The following ARHGAP26 variants were observed in gnomAD, a reference collection of about 807,000 sequenced individuals.
ARHGAP26 encodes the protein rho GTPase-activating protein 26.
A neutral mutation model predicts 104.8 loss-of-function variants in ARHGAP26; 38 were observed. That is an observed-to-expected ratio of 0.36 (90% CI 0.28 to 0.48). The LOEUF (loss-of-function observed/expected upper bound fraction) is 0.48. ARHGAP26 is among the 20% of genes least tolerant of loss of function. The pLI, the probability that ARHGAP26 is intolerant of heterozygous loss-of-function variation, is 0.99. For synonymous variants in ARHGAP26, 341 were observed against 340.0 expected (o/e 1.00, Z -0.03); for missense variants, 704 against 947.9 (o/e 0.74, Z 3.38).
At chr5:142,795,659 T>C (rs926555235) in intron 1 of ARHGAP26, among the ~76,000 whole-genome samples, 1 of 152,242 alleles carries the variant, frequency 6.6e-6, no homozygotes, top group African/African-American at 2.4e-5. Context: ...TACATTACAA[T>C]TTATCGCCTA....
intron 10 of ARHGAP26, among the ~76,000 whole-genome samples, chr5:142,928,940 CCTT>C (rs945499335): frequency 2.6e-5 from 4 of 152,096 alleles, no homozygotes; most frequent in South Asian, 2.1e-4. Flanking sequence ...ATATTATCCT[CCTT>C]CTTTTTTTAT....
chr5:142,993,008 G>A (rs901419016), intron 11 of ARHGAP26, among the ~76,000 whole-genome samples: 11 of 151,992 alleles, frequency 7.2e-5, no homozygotes, highest in African/African-American at 2.7e-4. Flanking sequence ...TTGAGATGGA[G>A]TCTCACTCTT....
intron 17 of ARHGAP26, among the ~76,000 whole-genome samples, chr5:143,095,499 A>G (rs896193383): frequency 1.3e-5 from 2 of 152,252 alleles, no homozygotes; most frequent in Admixed American, 1.3e-4. Flanking sequence ...AACTAAAACA[A>G]TTTTAAAGCT....
intron 14 of ARHGAP26, among the ~76,000 whole-genome samples, chr5:143,044,193 A>G (rs575028613): frequency 1.3e-5 from 2 of 149,304 alleles, no homozygotes; most frequent in East Asian, 3.9e-4. Context: ...GTTTACAAGG[A>G]AAAAAAAAGC....
intron 13 of ARHGAP26, 57 bp from the exon 14 acceptor site, chr5:143,041,759 G>T: frequency 1.4e-5 from 17 of 1,223,852 alleles, no homozygotes; most frequent in Non-Finnish European, 2.0e-5. Flanking sequence ...TGGCTGGATT[G>T]GCCTGACTTG....
intron 1 of ARHGAP26, among the ~76,000 whole-genome samples, chr5:142,816,618 A>G (rs1429240362): frequency 6.6e-6 from 1 of 152,260 alleles, no homozygotes; most frequent in Non-Finnish European, 1.5e-5. Context: ...TGTGTGAGCA[A>G]AGGCTTGTGA....
intron 17 of ARHGAP26, among the ~76,000 whole-genome samples, chr5:143,062,357 T>A (rs1247819300): frequency 2.6e-5 from 4 of 152,214 alleles, no homozygotes; most frequent in Non-Finnish European, 4.4e-5. Flanking sequence ...ATTTTGATCA[T>A]CTGTTATATG....
chr5:143,180,562 C>G (rs1237430344), intron 20 of ARHGAP26, among the ~76,000 whole-genome samples: 2 of 152,188 alleles, frequency 1.3e-5, no homozygotes, highest in African/African-American at 2.4e-5. Context: ...AATTGACTTA[C>G]AGTTCCGCAT....
rs1804637437 is a variant in ARHGAP26 at position 143,183,106 on chromosome 5, A to G, written c.1989-24092A>G. ...AAAAAAAAAAAGAAAAAAAAACCTCATTTCCTTTCCTAGATAAGGCCTGTA... is the reference window on the plus strand; with the variant it reads ...AAAAAAAAAAAGAAAAAAAAACCTCGTTTCCTTTCCTAGATAAGGCCTGTA... On this transcript the variant is annotated intron_variant, in intron 20 of 22. Transcript: ENST00000645722. 1.3e-5 allele frequency among the ~76,000 whole-genome samples: 2 copies of G among 149,972 alleles called. 1 individual carries two copies. The highest frequency in any genetic ancestry group is 4.2e-4 in the South Asian group (2 of 4,738).
At chr5:142,969,746 A>G (rs1433857202) in intron 11 of ARHGAP26, among the ~76,000 whole-genome samples, 1 of 152,150 alleles carries the variant, frequency 6.6e-6, no homozygotes, top group African/African-American at 2.4e-5. Context: ...TGCTTAGAGA[A>G]GTGCACATGG....
chr5:142,911,626 T>C (rs1335498502), intron 9 of ARHGAP26, among the ~76,000 whole-genome samples: 2 of 152,268 alleles, frequency 1.3e-5, no homozygotes, highest in Non-Finnish European at 2.9e-5. Flanking sequence ...TTTGCTGATA[T>C]GGTATGGTCA....
At chr5:142,958,311 T>C (rs1179161985) in intron 11 of ARHGAP26, among the ~76,000 whole-genome samples, 1 of 152,178 alleles carries the variant, frequency 6.6e-6, no homozygotes, top group Non-Finnish European at 1.5e-5. Context: ...TCTGAGGTGG[T>C]ATTGTAACCA....
At chr5:142,816,865 T>G (rs1410587898) in intron 1 of ARHGAP26, among the ~76,000 whole-genome samples, 1 of 151,778 alleles carries the variant, frequency 6.6e-6, no homozygotes, top group Non-Finnish European at 1.5e-5. Flanking sequence ...TAGTGTCCAG[T>G]GTGGTTTGCA....
chr5:143,066,154 G>A (rs1225842560), intron 17 of ARHGAP26, among the ~76,000 whole-genome samples: 1 of 152,176 alleles, frequency 6.6e-6, no homozygotes, highest in African/African-American at 2.4e-5. Context: ...AGATGCACAA[G>A]TACTTCCCAT....
rs565295313 is a variant in ARHGAP26 at position 143,225,844 on chromosome 5, CCCAG to C, written c.*3403_*3406del. 4 of 227,520 alleles carry C rather than the reference CCCAG, an allele frequency of 1.8e-5. No individual in the cohort carries two copies. The highest frequency in any genetic ancestry group is 1.7e-4 in the Admixed American group (3 of 17,588). The allele number at this position is 227,520 out of a possible 1,614,324, so 14.1% of individuals were successfully genotyped here. ...CAGATGGCTTCTCTGTTTCCCTTTG[CCCAG>C]CCAGGCTCCCCTCCTTCCTATTAGC... On this transcript the variant is annotated 3_prime_UTR_variant, in exon 23 of 23. Transcript: ENST00000645722.
chr5:143,063,955 T>A, intron 17 of ARHGAP26, among the ~76,000 whole-genome samples: 1 of 152,248 alleles, frequency 6.6e-6, no homozygotes, highest in East Asian at 1.9e-4. Flanking sequence ...ATGGGCAGTC[T>A]GTCTCCCTTG....
chr5:143,152,029 A>T (rs763374746), intron 20 of ARHGAP26, among the ~76,000 whole-genome samples: 107 of 152,186 alleles, frequency 7.0e-4, no homozygotes, highest in Non-Finnish European at 1.4e-3. Context: ...GAACATGCAA[A>T]ATTATGGAAT....
At chr5:143,135,394 T>C (rs1313227795) in intron 19 of ARHGAP26, among the ~76,000 whole-genome samples, 1 of 152,172 alleles carries the variant, frequency 6.6e-6, no homozygotes, top group African/African-American at 2.4e-5. Context: ...TCATCATCAT[T>C]ATTATAACTC....
chr5:143,006,319 T>G (rs76994992), intron 11 of ARHGAP26, among the ~76,000 whole-genome samples: 20,102 of 135,940 alleles, frequency 0.15, 3,232 homozygotes, highest in African/African-American at 0.42. Flanking sequence ...GTTTTTTCTT[T>G]TTTTTTTTTT....
Sources: gnomAD v4.1 joint callset for allele counts (sites outside exome capture counted in the v4.1 genomes callset) on GRCh38, gnomAD v4.1.1 for gene constraint, MANE v1.5 for transcripts, NCBI Gene and HGNC (gene_info 2026-07-23, HGNC 2026-07-21) for gene names.